Variants in CRPPA observed in about 807,000 individuals in gnomAD.
CRPPA encodes CDP-L-ribitol pyrophosphorylase A.
CRPPA carries 43 observed loss-of-function variants against 52.0 expected under a neutral mutation model. The ratio of observed to expected loss-of-function variants is 0.83; its 90% CI spans 0.65 to 1.07. CRPPA has a LOEUF of 1.07. CRPPA is among the 50% of genes least tolerant of loss of function. CRPPA has a pLI of 0.00. For synonymous variants in CRPPA, 250 were observed against 203.5 expected (o/e 1.23, Z -1.94); for missense variants, 629 against 551.7 (o/e 1.14, Z -1.40).
chr7:16,098,190 T>C (rs1024145442), intron 9 of CRPPA, among the ~76,000 whole-genome samples: 3 of 152,234 alleles, frequency 2.0e-5, no homozygotes, highest in Admixed American at 1.3e-4. Flanking sequence ...AAAGCTATGA[T>C]GTAATTCTCC....
At chr7:16,122,308 T>C (rs1167465488) in intron 9 of CRPPA, among the ~76,000 whole-genome samples, 1 of 151,942 alleles carries the variant, frequency 6.6e-6, no homozygotes, top group Non-Finnish European at 1.5e-5. Context: ...ATAATTAAAA[T>C]ACTAGCAAAG....
Position 16,421,401 on chromosome 7 carries a change from CG to C in CRPPA, c.-80del. Reference sequence around the variant, plus strand: ...CTGCTCCCACCCTCGGCCGGGGTCGCGGGGCGAAGGGCAGACCACGGAGAGG... The same window carrying C: ...CTGCTCCCACCCTCGGCCGGGGTCGCGGGCGAAGGGCAGACCACGGAGAGG... On this transcript the variant is annotated 5_prime_UTR_variant, in exon 1 of 10. Transcript: ENST00000407010. 1 of 1,196,730 alleles carries C rather than the reference CG, an allele frequency of 8.4e-7. No individual in the cohort carries two copies. Among genetic ancestry groups the C allele is most frequent in the African/African-American group, 1.6e-5 (1 of 63,332 alleles). 74.1% of individuals were successfully genotyped at this position (1,196,730 alleles called of 1,614,324 possible). A position where few individuals can be genotyped will look rare whatever the true frequency, so the allele number is the denominator to read the frequency against.
chr7:16,305,954 G>A (rs1349400510), intron 4 of CRPPA, among the ~76,000 whole-genome samples: 1 of 152,094 alleles, frequency 6.6e-6, no homozygotes, highest in Non-Finnish European at 1.5e-5. Flanking sequence ...ATACAAGTAG[G>A]ACCCTCTGAA....
At chr7:16,106,010 T>G (rs1481225455) in intron 9 of CRPPA, among the ~76,000 whole-genome samples, 1 of 152,066 alleles carries the variant, frequency 6.6e-6, no homozygotes, top group African/African-American at 2.4e-5. Flanking sequence ...CCAACAACTT[T>G]GCACAGGCAG....
intron 8 of CRPPA, among the ~76,000 whole-genome samples, chr7:16,240,783 G>A (rs551761074): frequency 3.2e-4 from 48 of 152,098 alleles, no homozygotes; most frequent in Non-Finnish European, 6.3e-4. Context: ...AGAGGAATAA[G>A]CAGGTAAGTA....
chr7:16,166,605 T>C (rs1333663848), intron 9 of CRPPA, among the ~76,000 whole-genome samples: 1 of 152,186 alleles, frequency 6.6e-6, no homozygotes, highest in African/African-American at 2.4e-5. Context: ...TAACAGGCTA[T>C]AACGGAAGCA....
intron 6 of CRPPA, among the ~76,000 whole-genome samples, chr7:16,271,494 C>T (rs1465252426): frequency 6.6e-6 from 1 of 152,102 alleles, no homozygotes; most frequent in Non-Finnish European, 1.5e-5. Flanking sequence ...ACATAAAAAG[C>T]CTACAAGGCT....
intron 2 of CRPPA, among the ~76,000 whole-genome samples, chr7:16,378,963 T>C (rs1383673609): frequency 2.0e-5 from 3 of 152,182 alleles, no homozygotes; most frequent in Non-Finnish European, 4.4e-5. Flanking sequence ...GGGTTGTTTT[T>C]TTCTTGTAAA....
chr7:16,242,212 C>T (rs1479964664), intron 8 of CRPPA, among the ~76,000 whole-genome samples: 1 of 151,892 alleles, frequency 6.6e-6, no homozygotes, highest in East Asian at 1.9e-4. Flanking sequence ...CCTCTGCCTC[C>T]CAAAGTGTTG....
intron 8 of CRPPA, among the ~76,000 whole-genome samples, chr7:16,243,811 A>T (rs903075681): frequency 2.0e-5 from 3 of 152,026 alleles, no homozygotes; most frequent in Admixed American, 1.3e-4. Context: ...ACCAAAAATT[A>T]AAAAAATTAG....
intron 9 of CRPPA, among the ~76,000 whole-genome samples, chr7:16,119,407 C>T (rs1782439904): frequency 6.6e-6 from 1 of 150,808 alleles, no homozygotes; most frequent in East Asian, 2.0e-4. Context: ...ATGCAAAACA[C>T]CAAAATCCTT....
chr7:16,335,441 A>C (rs1785657669), intron 3 of CRPPA, among the ~76,000 whole-genome samples: 1 of 152,182 alleles, frequency 6.6e-6, no homozygotes, highest in Admixed American at 6.5e-5. Flanking sequence ...GAACAAAATG[A>C]GAAGTTTGAC....
intron 8 of CRPPA, among the ~76,000 whole-genome samples, chr7:16,253,162 G>T (rs1046922388): frequency 6.6e-6 from 1 of 152,104 alleles, no homozygotes; most frequent in South Asian, 2.1e-4. Flanking sequence ...GAATGTGTTT[G>T]CTCAAGCTTC....
chr7:16,091,646 T>C lies in CRPPA; in HGVS notation c.*49A>G, dbSNP rs934472942. On this transcript the variant is annotated 3_prime_UTR_variant, in exon 10 of 10. Transcript: ENST00000407010. ...CAGCAGCGGGGGCACAAAGCACAAT[T>C]AAGATACGCAAATAGATGTTTTAGA... 5 of 1,044,166 alleles carry C rather than the reference T, an allele frequency of 4.8e-6. No individual in the cohort carries two copies. Among genetic ancestry groups the C allele is most frequent in the Non-Finnish European group, 5.8e-6 (4 of 692,788 alleles). The allele number at this position is 1,044,166 out of a possible 1,614,324, so 64.7% of individuals were successfully genotyped here.
At chr7:16,279,387 T>C (rs968856715) in intron 5 of CRPPA, among the ~76,000 whole-genome samples, 1 of 152,166 alleles carries the variant, frequency 6.6e-6, no homozygotes, top group Non-Finnish European at 1.5e-5. Context: ...CTAATGCTCA[T>C]GATGACCCTA....
At chr7:16,211,223 C>T (rs1028114881) in intron 9 of CRPPA, among the ~76,000 whole-genome samples, 1 of 152,148 alleles carries the variant, frequency 6.6e-6, no homozygotes, top group African/African-American at 2.4e-5. Context: ...AGTAAGCTAA[C>T]CAAACTCTAT....
chr7:16,388,854 C>T (rs552584333), intron 2 of CRPPA, among the ~76,000 whole-genome samples: 4 of 151,990 alleles, frequency 2.6e-5, no homozygotes, highest in South Asian at 4.2e-4. Flanking sequence ...CCAGCCTGGG[C>T]GACAGAGCAA....
chr7:16,193,159 C>G (rs1781652188), intron 9 of CRPPA, among the ~76,000 whole-genome samples: 1 of 152,112 alleles, frequency 6.6e-6, no homozygotes, highest in Non-Finnish European at 1.5e-5. Context: ...TCCTGTCAAT[C>G]CATGAACATG....
At chr7:16,254,088 A>G (rs1459456739) in intron 8 of CRPPA, among the ~76,000 whole-genome samples, 1 of 152,176 alleles carries the variant, frequency 6.6e-6, no homozygotes, top group African/African-American at 2.4e-5. Context: ...TCAGGAAACA[A>G]CAGATGCCGG....
Sources: gnomAD v4.1 joint callset for allele counts (sites outside exome capture counted in the v4.1 genomes callset) on GRCh38, gnomAD v4.1.1 for gene constraint, MANE v1.5 for transcripts, NCBI Gene and HGNC (gene_info 2026-07-23, HGNC 2026-07-21) for gene names.